The following RGPD2 variants were observed in gnomAD, a reference collection of about 807,000 sequenced individuals.
The protein encoded by RGPD2 is RANBP2-like and GRIP domain-containing protein 2.
In RGPD2, 2 loss-of-function variants were observed where a neutral mutation model predicts 36.0. That is an observed-to-expected ratio of 0.06 (90% CI 0.02 to 0.17). The LOEUF (loss-of-function observed/expected upper bound fraction) is 0.17, where lower values mean the gene tolerates loss of function less well. Among genes scored for constraint, RGPD2 ranks in the 10% least tolerant of loss-of-function variants. The pLI is 1.00. For missense variants in RGPD2, 40 were observed against 464.3 expected (o/e 0.09, Z 8.40); for synonymous variants, 19 against 163.8 (o/e 0.12, Z 6.75).
chr2:87,852,957 A>G, the RGPD2 span, among the ~76,000 whole-genome samples: 1 of 152,130 alleles, frequency 6.6e-6, no homozygotes, highest in Non-Finnish European at 1.5e-5. Context: ...AAAGCCAGAA[A>G]TATTTTTGTC....
the RGPD2 span, among the ~76,000 whole-genome samples, chr2:87,840,553 AAAG>A: frequency 1.3e-5 from 2 of 152,130 alleles, no homozygotes; most frequent in Non-Finnish European, 2.9e-5. Context: ...AAAAATTTAA[AAAG>A]AAGTTGAAAT....
chr2:87,866,825 A>T, the RGPD2 span, among the ~76,000 whole-genome samples: 2 of 152,170 alleles, frequency 1.3e-5, no homozygotes, highest in African/African-American at 2.4e-5. Flanking sequence ...CTAGTTGGCC[A>T]GCATGTCCCA....
In RGPD2 at chr2:87,825,424, C is replaced by T. The variant is rs867502175; in HGVS notation, c.72+234G>A. Among the ~76,000 whole-genome samples, 709 of 119,298 alleles carry T rather than the reference C, an allele frequency of 5.9e-3. 9 individuals carry two copies. The highest frequency in any genetic ancestry group is 0.011 in the Middle Eastern group (2 of 184). The allele number at this position is 119,298 out of a possible 152,430, so 78.3% of individuals were successfully genotyped here. A position where few individuals can be genotyped will look rare whatever the true frequency, so the allele number is the denominator to read the frequency against. On this transcript the variant is annotated intron_variant, in intron 1 of 22. Coordinates refer to ENST00000398146, the MANE Select transcript of RGPD2 (RefSeq NM_001078170.3). Reference sequence around the variant, plus strand: ...GGCCAGGCCGAGGCCGAGGCCGCCGCCGCCGCCGCCGCCGCCGCCCGGCCA... The same window carrying T: ...GGCCAGGCCGAGGCCGAGGCCGCCGTCGCCGCCGCCGCCGCCGCCCGGCCA...
At chr2:87,846,513 AT>A in the RGPD2 span, among the ~76,000 whole-genome samples, 1 of 152,126 alleles carries the variant, frequency 6.6e-6, no homozygotes, top group Non-Finnish European at 1.5e-5. Flanking sequence ...TTGGTAAAAA[AT>A]ATCACATGCA....
chr2:87,877,529 C>T, the RGPD2 span, among the ~76,000 whole-genome samples: 33 of 152,142 alleles, frequency 2.2e-4, no homozygotes, highest in South Asian at 1.2e-3. Flanking sequence ...GACAGCCAGG[C>T]GCAGTGGCTC....
At chr2:87,847,180 T>C in the RGPD2 span, among the ~76,000 whole-genome samples, 2 of 152,168 alleles carry the variant, frequency 1.3e-5, no homozygotes, top group Non-Finnish European at 2.9e-5. Context: ...CATTTATTGA[T>C]GTTAAGCCAC....
chr2:87,885,940 GACAA>G, the RGPD2 span, among the ~76,000 whole-genome samples: 42 of 151,892 alleles, frequency 2.8e-4, no homozygotes, highest in Non-Finnish European at 4.3e-4. Context: ...TACACCACAG[GACAA>G]ACAGTCTTGC....
chr2:87,842,338 A>T, the RGPD2 span, among the ~76,000 whole-genome samples: 1 of 148,768 alleles, frequency 6.7e-6, no homozygotes, highest in Admixed American at 6.6e-5. Context: ...AATCTCCGTA[A>T]GCTGATAAGC....
the RGPD2 span, among the ~76,000 whole-genome samples, chr2:87,830,955 A>G: frequency 6.6e-6 from 1 of 152,206 alleles, no homozygotes; most frequent in Admixed American, 6.5e-5. Flanking sequence ...CACAAATAGT[A>G]GAAAAAGACC....
chr2:87,924,786 TA>T, the RGPD2 span, among the ~76,000 whole-genome samples: 1,115 of 128,830 alleles, frequency 8.7e-3, 6 homozygotes, highest in African/African-American at 0.033. Flanking sequence ...CAGTACTACA[TA>T]GATTAAATAT....
chr2:87,809,197 C>T (rs1349866297), intron 6 of RGPD2, among the ~76,000 whole-genome samples: 4 of 151,396 alleles, frequency 2.6e-5, no homozygotes, highest in Admixed American at 1.3e-4. Context: ...CCCAGCTACT[C>T]GGGAGGCTGA....
chr2:87,966,706 C>T, the RGPD2 span, among the ~76,000 whole-genome samples: 4 of 150,662 alleles, frequency 2.7e-5, no homozygotes, highest in Admixed American at 1.3e-4. Flanking sequence ...GTGGGCAGAT[C>T]GCTTCAGGTC....
the RGPD2 span, among the ~76,000 whole-genome samples, chr2:87,915,505 A>G: frequency 1.4e-5 from 2 of 141,488 alleles, no homozygotes; most frequent in South Asian, 2.2e-4. Flanking sequence ...GTATATATAC[A>G]TATATACAAT....
At chr2:87,929,493 G>GTA in the RGPD2 span, among the ~76,000 whole-genome samples, 3 of 149,254 alleles carry the variant, frequency 2.0e-5, no homozygotes, top group Admixed American at 6.7e-5. Flanking sequence ...GTGTATGTGT[G>GTA]TGTGTGTGTG....
chr2:87,919,674 A>T, the RGPD2 span, among the ~76,000 whole-genome samples: 3 of 129,998 alleles, frequency 2.3e-5, no homozygotes, highest in Admixed American at 7.6e-5. Context: ...TTTTTGTAGC[A>T]TATATAATAG....
chr2:87,824,968 G>T, intron 1 of RGPD2: 1 of 388,892 alleles, frequency 2.6e-6, no homozygotes, highest in Non-Finnish European at 4.5e-6. Flanking sequence ...CTACCGTATG[G>T]CCCACCATAA....
chr2:87,979,129 G>A, the RGPD2 span, among the ~76,000 whole-genome samples: 3 of 151,826 alleles, frequency 2.0e-5, no homozygotes, highest in Non-Finnish European at 4.4e-5. Context: ...AGCTACTGGG[G>A]AGGCTGAGGC....
the RGPD2 span, among the ~76,000 whole-genome samples, chr2:87,885,049 A>G: frequency 6.6e-6 from 1 of 152,082 alleles, no homozygotes; most frequent in Non-Finnish European, 1.5e-5. Flanking sequence ...AACAATATGC[A>G]TATGGACTCC....
chr2:87,974,032 C>T, the RGPD2 span, among the ~76,000 whole-genome samples: 2 of 152,036 alleles, frequency 1.3e-5, no homozygotes, highest in Non-Finnish European at 2.9e-5. Context: ...TTTCACAACT[C>T]CGGGGGCATC....
Sources: allele counts gnomAD v4.1 joint callset (sites outside exome capture counted in the v4.1 genomes callset), GRCh38; gene constraint gnomAD v4.1.1; transcripts MANE v1.5; gene names NCBI Gene and HGNC (gene_info 2026-07-23, HGNC 2026-07-21).